The following TBCEL variants were observed in gnomAD, a reference collection of about 807,000 sequenced individuals.
TBCEL encodes the protein tubulin folding cofactor E like.
Under a neutral mutation model 44.2 loss-of-function variants are expected in TBCEL, and 15 were observed. The ratio of observed to expected loss-of-function variants is 0.34; its 90% CI spans 0.23 to 0.52. The LOEUF (loss-of-function observed/expected upper bound fraction) is 0.52, where lower values mean the gene tolerates loss of function less well. TBCEL is among the 20% of genes least tolerant of loss of function. TBCEL has a pLI of 0.95. For missense variants in TBCEL, 319 were observed against 506.3 expected, an observed-to-expected ratio of 0.63 and a Z score of 3.55; for synonymous variants, 171 against 185.4, an observed-to-expected ratio of 0.92 and a Z score of 0.63.
chr11:121,055,355 A>G, intron 6 of TBCEL, 47 bp downstream of exon 6: 1 of 1,478,710 alleles, frequency 6.8e-7, no homozygotes, highest in Non-Finnish European at 9.0e-7. Context: ...TAACCTGAGC[A>G]TATGCATGAA....
At chr11:121,038,398 T>C (rs1189418850) in intron 2 of TBCEL, among the ~76,000 whole-genome samples, 2 of 152,150 alleles carry the variant, frequency 1.3e-5, no homozygotes, top group African/African-American at 4.8e-5. Context: ...AAATCAGTCT[T>C]TTTGGGGATA....
At chr11:121,040,942 A>G (rs1249450844) in intron 2 of TBCEL, among the ~76,000 whole-genome samples, 2 of 152,152 alleles carry the variant, frequency 1.3e-5, no homozygotes, top group Non-Finnish European at 2.9e-5. Context: ...GAGATAGTCT[A>G]TGCATATACA....
intron 8 of TBCEL, among the ~76,000 whole-genome samples, chr11:121,076,013 G>T (rs975605994): frequency 6.6e-6 from 1 of 151,770 alleles, no homozygotes; most frequent in Non-Finnish European, 1.5e-5. Context: ...TAGGTGGCCC[G>T]TATTTCTGTA....
rs561707719 is a variant in TBCEL, at chr11:121,064,567, T to A, written c.956+4482T>A. Among the ~76,000 whole-genome samples, 19 of 152,324 alleles carry A rather than the reference T, an allele frequency of 1.2e-4. No homozygotes were observed. The East Asian group carries it at 3.7e-3, about 29-fold the overall frequency. ...TAATTATGCCTACTTTCCTATGCAC[T>A]AGTGGTTCAATGCCACTGCTTGGTC... On this transcript the variant is annotated intron_variant, in intron 8 of 8. Transcript: ENST00000683345.
intron 2 of TBCEL, among the ~76,000 whole-genome samples, chr11:121,044,179 ATC>A (rs1201613600): frequency 3.9e-5 from 6 of 152,018 alleles, no homozygotes; most frequent in Non-Finnish European, 1.5e-5. Flanking sequence ...AGCTCTCACG[ATC>A]TCTCTGCTGT....
At chr11:121,050,776 T>A (rs1279184660) in intron 4 of TBCEL, among the ~76,000 whole-genome samples, 2 of 151,736 alleles carry the variant, frequency 1.3e-5, no homozygotes, top group Non-Finnish European at 3.0e-5. Flanking sequence ...TTCTTCCTTT[T>A]TGGAAGCCAA....
At chr11:121,056,287 A>C (rs2134951986) in intron 6 of TBCEL, among the ~76,000 whole-genome samples, 1 of 151,934 alleles carries the variant, frequency 6.6e-6, no homozygotes, top group African/African-American at 2.4e-5. Flanking sequence ...TAAGTCCTCC[A>C]TGCCTTTTCA....
intron 2 of TBCEL, among the ~76,000 whole-genome samples, chr11:121,044,983 C>T (rs868787603): frequency 6.6e-6 from 1 of 152,070 alleles, no homozygotes; most frequent in Non-Finnish European, 1.5e-5. Flanking sequence ...ACATGAAGTC[C>T]TCAGGGATGC....
rs916511654 is a variant in TBCEL at position 121,029,960 on chromosome 11, T to C, written c.-126+5669T>C. Among the ~76,000 whole-genome samples, 3 of 152,324 alleles carry C rather than the reference T, an allele frequency of 2.0e-5. No homozygotes were observed. In the East Asian group the frequency reaches 5.8e-4, roughly 29 times the overall value. On this transcript the variant is annotated intron_variant, in intron 1 of 8. Transcript: ENST00000683345. ...ATCCCTGCTTGTGTGGGACCTATCT[T>C]CTGCTGGAGAACAAACACTGAACTA... is the stretch of plus-strand genomic sequence containing the variant.
At position 121,088,927 on chromosome 11, in the gene TBCEL, A is replaced by G. The variant is rs377402403; in HGVS notation, c.*1831A>G. The G allele has an allele frequency of 3.7e-4, 56 of 152,326 alleles. No homozygotes were observed. The highest frequency in any genetic ancestry group is 1.3e-3 in the African/African-American group (54 of 41,578). 9.4% of individuals were successfully genotyped at this position (152,326 alleles called of 1,614,324 possible). A position where few individuals can be genotyped will look rare whatever the true frequency, so the allele number is the denominator to read the frequency against. On this transcript the variant is annotated 3_prime_UTR_variant, in exon 9 of 9. Transcript: ENST00000683345. ...AGACTTTATCTTTCAAAATCATAAA[A>G]ATGAGCAATGGAGATCCAGGCTGGG...
rs779029450 is a variant in TBCEL, at chr11:121,086,927, A to G, written c.1106A>G (p.Lys369Arg). The part of the protein sequence containing the change: ...IRLDQTVAEL[K>R]KQLKTLVQLP... ...CTGGACCAAACAGTGGCAGAACTAA[A>G]GAAACAGTTAAAAACTCTAGTACAA... is the stretch of plus-strand genomic sequence containing the variant. The change falls in exon 9 of 9, where the codon AAG becomes AGG. Residue 369 changes from lysine (K) to arginine (R), a missense_variant. By Grantham distance (26) the Lys-to-Arg change is conservative. Transcript: ENST00000683345. 2.7e-5 allele frequency: 44 copies of G among 1,614,014 alleles called. No homozygotes were observed. The highest frequency in any genetic ancestry group is 3.4e-6 in the Non-Finnish European group (4 of 1,180,026).
At position 121,087,091 on chromosome 11, in the gene TBCEL, A is replaced by C; in HGVS notation, c.1270A>C (p.Lys424Gln). 1.2e-6 allele frequency: 2 copies of C among 1,612,526 alleles called. No homozygotes were observed. Among genetic ancestry groups the C allele is most frequent in the Non-Finnish European group, 1.7e-6 (2 of 1,179,358 alleles). The change falls in exon 9 of 9, where the codon AAA (lysine) becomes CAA (glutamine). Residue 424 changes from lysine to glutamine, a missense_variant. By Grantham distance (53) the Lys-to-Gln change is moderately conservative. Transcript: ENST00000683345. The stretch of plus-strand genomic sequence containing the variant: ...TAAAATTTACGTGGAATCCAAAACA[A>C]AATAACCTCTACCAGCCTTGTGAAA... Reference protein sequence around the residue: ...GDKIYVESKTK With the variant: ...GDKIYVESKTQ
chr11:121,037,037 TA>T (rs1057272547), intron 2 of TBCEL, among the ~76,000 whole-genome samples: 5 of 152,268 alleles, frequency 3.3e-5, no homozygotes, highest in African/African-American at 1.2e-4. Context: ...ATAGCATAAT[TA>T]AAGGAATGAT....
At position 121,088,629 on chromosome 11, in the gene TBCEL, A is replaced by G. The variant is rs916695384; in HGVS notation, c.*1533A>G. 3.3e-5 allele frequency: 5 copies of G among 152,234 alleles called. No individual in the cohort carries two copies. Among genetic ancestry groups the G allele is most frequent in the Admixed American group, 6.5e-5 (1 of 15,272 alleles). The allele number at this position is 152,234 out of a possible 1,614,324, so 9.4% of individuals were successfully genotyped here. On this transcript the variant is annotated 3_prime_UTR_variant, in exon 9 of 9. Coordinates refer to ENST00000683345, the MANE Select transcript of TBCEL (RefSeq NM_001363644.2). Reference sequence around the variant, plus strand: ...CATTTGACCTTTTGACCTTTGTTACATAATTCTACCCCTCCTACAAATTTA... The same window carrying G: ...CATTTGACCTTTTGACCTTTGTTACGTAATTCTACCCCTCCTACAAATTTA...
chr11:121,050,838 C>T (rs1194061707), intron 4 of TBCEL, among the ~76,000 whole-genome samples: 1 of 151,678 alleles, frequency 6.6e-6, no homozygotes, highest in Non-Finnish European at 1.5e-5. Flanking sequence ...AAAATGTGAT[C>T]TGAGTTCATC....
chr11:121,053,545 C>G lies in TBCEL; in HGVS notation c.274-6C>G. The stretch of plus-strand genomic sequence containing the variant: ...CCTGATAATGCTTTTCTTTTTTTCT[C>G]CTTAGGTCAGTAAAATTGTGTCAAA... On this transcript the variant is annotated splice_polypyrimidine_tract_variant and splice_region_variant and intron_variant, in intron 4 of 8. Coordinates refer to ENST00000683345, the MANE Select transcript of TBCEL (RefSeq NM_001363644.2). 6.2e-7 allele frequency: 1 copy of G among 1,610,354 alleles called. No individual in the cohort carries two copies. Among genetic ancestry groups the G allele is most frequent in the South Asian group, 1.1e-5 (1 of 90,880 alleles).
At chr11:121,026,418 G>C (rs73011541) in intron 1 of TBCEL, among the ~76,000 whole-genome samples, 1 of 152,346 alleles carries the variant, frequency 6.6e-6, no homozygotes, top group Non-Finnish European at 1.5e-5. Flanking sequence ...GCAGGACATT[G>C]AGTGTCAAAG....
chr11:121,041,079 A>C (rs1035482618), intron 2 of TBCEL, among the ~76,000 whole-genome samples: 6 of 152,154 alleles, frequency 3.9e-5, no homozygotes, highest in African/African-American at 1.4e-4. Context: ...ATACTACTCT[A>C]CGCTGTTTCT....
intron 1 of TBCEL, among the ~76,000 whole-genome samples, chr11:121,033,540 A>G (rs17245789): frequency 0.064 from 9,769 of 152,248 alleles, 382 homozygotes; most frequent in Middle Eastern, 0.16. Flanking sequence ...ATTTGCATTA[A>G]TTTGATAAGT....
Sources: gnomAD v4.1 joint callset for allele counts (sites outside exome capture counted in the v4.1 genomes callset) on GRCh38, gnomAD v4.1.1 for gene constraint, MANE v1.5 for transcripts, NCBI Gene and HGNC (gene_info 2026-07-23, HGNC 2026-07-21) for gene names.